EYS: variants seen among roughly 807,000 people sequenced by gnomAD.
The protein encoded by EYS is protein eyes shut homolog.
A neutral mutation model predicts 282.1 loss-of-function variants in EYS; 250 were observed. The observed-to-expected ratio is 0.89, with a 90% CI of 0.80 to 0.98. The LOEUF is 0.98. Among genes scored for constraint, EYS ranks in the 50% least tolerant of loss-of-function variants. EYS has a pLI of 0.00. For missense variants in EYS, 4,016 were observed against 3,709.0 expected, an observed-to-expected ratio of 1.08 and a Z score of -2.15; for synonymous variants, 1,355 against 1,282.9, an observed-to-expected ratio of 1.06 and a Z score of -1.20.
intron 26 of EYS, among the ~76,000 whole-genome samples, chr6:64,450,755 C>T (rs1775300120): frequency 6.6e-6 from 1 of 152,154 alleles, no homozygotes; most frequent in African/African-American, 2.4e-5. Context: ...TCCTGAATGA[C>T]TACTGGGTAC....
intron 5 of EYS, among the ~76,000 whole-genome samples, chr6:65,432,285 A>G (rs189818590): frequency 6.4e-4 from 97 of 152,306 alleles, no homozygotes; most frequent in African/African-American, 2.3e-3. Context: ...GACTGGAGAT[A>G]AAATAATGAA....
At chr6:64,209,924 C>T (rs891765744) in intron 31 of EYS, among the ~76,000 whole-genome samples, 1 of 152,056 alleles carries the variant, frequency 6.6e-6, no homozygotes, top group African/African-American at 2.4e-5. Flanking sequence ...GAGCCCTGAA[C>T]CTCTCTCTCT....
chr6:64,385,249 C>A (rs1161406821), intron 29 of EYS, among the ~76,000 whole-genome samples: 1 of 152,122 alleles, frequency 6.6e-6, no homozygotes, highest in African/African-American at 2.4e-5. Context: ...CATCTAGATA[C>A]ATTTTACAGT....
chr6:65,276,617 G>C (rs1582091661), intron 12 of EYS, among the ~76,000 whole-genome samples: 1 of 152,062 alleles, frequency 6.6e-6, no homozygotes, highest in Admixed American at 6.6e-5. Flanking sequence ...AGCCTTTCTT[G>C]GTATTACAAT....
chr6:63,966,541 C>T (rs1193433241), intron 35 of EYS, among the ~76,000 whole-genome samples: 1 of 152,112 alleles, frequency 6.6e-6, no homozygotes, highest in African/African-American at 2.4e-5. Context: ...AAAGCAATAG[C>T]AACAGCATAA....
At chr6:63,722,184 A>G (rs773626866) in intron 42 of EYS, among the ~76,000 whole-genome samples, 9 of 151,962 alleles carry the variant, frequency 5.9e-5, no homozygotes, top group African/African-American at 1.9e-4. Flanking sequence ...TGTCTCTCCA[A>G]CCTTACCTGG....
At chr6:65,157,795 T>TC (rs987631745) in intron 12 of EYS, among the ~76,000 whole-genome samples, 2 of 150,532 alleles carry the variant, frequency 1.3e-5, no homozygotes, top group African/African-American at 2.4e-5. Context: ...ACAGGTTTTT[T>TC]CCCCCCATAT....
intron 29 of EYS, among the ~76,000 whole-genome samples, chr6:64,315,288 C>A (rs536717318): frequency 1.3e-5 from 2 of 152,156 alleles, no homozygotes; most frequent in Middle Eastern, 3.4e-3. Flanking sequence ...GCCTACCAAC[C>A]AAAAACGTCC....
intron 33 of EYS, among the ~76,000 whole-genome samples, chr6:64,022,615 C>A (rs1245647985): frequency 6.6e-6 from 1 of 152,222 alleles, no homozygotes; most frequent in South Asian, 2.1e-4. Flanking sequence ...AAAAAAGCAC[C>A]CAGGGCACAT....
intron 9 of EYS, among the ~76,000 whole-genome samples, chr6:65,346,945 A>G (rs1770418944): frequency 1.3e-5 from 2 of 151,842 alleles, no homozygotes; most frequent in South Asian, 4.1e-4. Flanking sequence ...GATGAGTTCT[A>G]CATTCATTTC....
intron 13 of EYS, among the ~76,000 whole-genome samples, chr6:65,050,671 AT>A (rs1773244815): frequency 6.6e-6 from 1 of 151,618 alleles, no homozygotes; most frequent in African/African-American, 2.4e-5. Flanking sequence ...AGACTGGAGC[AT>A]TTAATTACAG....
At chr6:64,629,108 A>G (rs1767700732) in intron 22 of EYS, among the ~76,000 whole-genome samples, 1 of 152,164 alleles carries the variant, frequency 6.6e-6, no homozygotes, top group South Asian at 2.1e-4. Context: ...TTAGACTGTA[A>G]TATTTTCTCA....
At chr6:63,811,017 CT>C (rs1337325693) in intron 36 of EYS, among the ~76,000 whole-genome samples, 1 of 152,210 alleles carries the variant, frequency 6.6e-6, no homozygotes, top group Non-Finnish European at 1.5e-5. Flanking sequence ...TCATCCACCC[CT>C]TCTCATTTGC....
chr6:64,245,403 T>C (rs887885310), intron 30 of EYS, among the ~76,000 whole-genome samples: 1 of 151,880 alleles, frequency 6.6e-6, no homozygotes, highest in African/African-American at 2.4e-5. Flanking sequence ...CTCAACATCC[T>C]GGCTGGGCTC....
chr6:64,636,438 T>C (rs141247112), intron 22 of EYS, among the ~76,000 whole-genome samples: 20 of 152,296 alleles, frequency 1.3e-4, no homozygotes, highest in African/African-American at 4.3e-4. Flanking sequence ...CAAAAATTAA[T>C]TCAAGATGGA....
chr6:65,694,893 G>GA (rs1277763454), intron 1 of EYS, among the ~76,000 whole-genome samples: 2 of 151,764 alleles, frequency 1.3e-5, no homozygotes, highest in African/African-American at 2.4e-5. Context: ...TATTGCGTAA[G>GA]AAAAATTATT....
At chr6:63,772,324 A>G (rs1769951403) in intron 40 of EYS, among the ~76,000 whole-genome samples, 1 of 152,106 alleles carries the variant, frequency 6.6e-6, no homozygotes, top group African/African-American at 2.4e-5. Context: ...CATTAATTCC[A>G]GTTCATATTA....
chr6:65,687,041 T>C (rs1162075224), intron 1 of EYS, among the ~76,000 whole-genome samples: 1 of 152,080 alleles, frequency 6.6e-6, no homozygotes, highest in African/African-American at 2.4e-5. Context: ...ATATATTCTT[T>C]AGTCACACAT....
chr6:63,938,734 A>G (rs1765146095), intron 35 of EYS, among the ~76,000 whole-genome samples: 2 of 152,254 alleles, frequency 1.3e-5, no homozygotes, highest in Non-Finnish European at 1.5e-5. Context: ...AATCATACCA[A>G]AATGAGTTGG....
Sources: gnomAD v4.1 joint callset for allele counts (sites outside exome capture counted in the v4.1 genomes callset) on GRCh38, gnomAD v4.1.1 for gene constraint, MANE v1.5 for transcripts, NCBI Gene and HGNC (gene_info 2026-07-23, HGNC 2026-07-21) for gene names.